Variants in FGD6 observed in about 807,000 individuals in gnomAD.
FGD6 encodes FYVE, RhoGEF and PH domain-containing protein 6.
Under a neutral mutation model 149.4 loss-of-function variants are expected in FGD6, and 90 were observed. The ratio of observed to expected loss-of-function variants is 0.60; its 90% CI spans 0.51 to 0.72. FGD6 has a LOEUF of 0.72. Among genes scored for constraint, FGD6 ranks in the 30% least tolerant of loss-of-function variants. The probability of loss-of-function intolerance (pLI) is 0.00; values close to 1 mark genes in which losing one functional copy is unlikely to be tolerated. For missense variants in FGD6, 1,437 were observed against 1,684.8 expected (o/e 0.85, Z 2.57); for synonymous variants, 527 against 584.0 (o/e 0.90, Z 1.41).
rs570769777 is a variant in FGD6, at chr12:95,126,920, T to C, written c.3082+7819A>G. On this transcript the variant is annotated intron_variant, in intron 8 of 20. Transcript: ENST00000343958. The stretch of plus-strand genomic sequence containing the variant: ...TCCAGCTGGGGTGACAGGGTGAGAC[T>C]TGGTCTCAAAAAAATAAAAAATAAA... Among the ~76,000 whole-genome samples the C allele has an allele frequency of 1.1e-4, 16 of 151,992 alleles. No homozygotes were observed. The East Asian group carries it at 2.7e-3, about 26-fold the overall frequency.
At chr12:95,176,825 ATTTAT>A (rs1030775204) in intron 2 of FGD6, among the ~76,000 whole-genome samples, 19 of 152,016 alleles carry the variant, frequency 1.2e-4, no homozygotes, top group African/African-American at 3.6e-4. Flanking sequence ...TAAAATTTTA[ATTTAT>A]TTTATTATTA....
chr12:95,123,554 A>C, intron 8 of FGD6, among the ~76,000 whole-genome samples: 1 of 148,938 alleles, frequency 6.7e-6, no homozygotes, highest in East Asian at 1.9e-4. Context: ...AAACTGCAAA[A>C]GTCAATATAC....
intron 14 of FGD6, 61 bp from the exon 15 acceptor site, chr12:95,094,755 C>G: frequency 1.6e-6 from 2 of 1,263,854 alleles, no homozygotes; most frequent in African/African-American, 2.9e-5. Flanking sequence ...CCTTTTTCTT[C>G]TTTTCTTTCT....
chr12:95,210,001 C>T lies in FGD6; in HGVS notation c.1283G>A (p.Ser428Asn). ...FDKDSNLSSD[S>N]TTVDGSSMSL... Reference sequence around the variant, plus strand: ...CATACTAGAACCATCTACAGTTGTGCTGTCAGAACTCAAATTAGAGTCTTT... The same window carrying T: ...CATACTAGAACCATCTACAGTTGTGTTGTCAGAACTCAAATTAGAGTCTTT... The change falls in exon 2 of 21, where the codon AGC (serine) becomes AAC (asparagine). Residue 428 changes from serine (S) to asparagine (N), a missense_variant. Around this residue, in one of 2 missense-constraint regions of FGD6, gnomAD observed 1,055 missense variants for 1,146.0 expected, o/e 0.92. Coordinates refer to ENST00000343958, the MANE Select transcript of FGD6 (RefSeq NM_018351.4). 1 of 1,613,044 alleles carries T rather than the reference C, an allele frequency of 6.2e-7. No homozygotes were observed. Among genetic ancestry groups the T allele is most frequent in the East Asian group, 2.2e-5 (1 of 44,878 alleles).
chr12:95,189,282 C>CA (rs1565919680), intron 2 of FGD6: 1 of 152,070 alleles, frequency 6.6e-6, no homozygotes, highest in African/African-American at 2.4e-5. Context: ...AAAGAGCACA[C>CA]AAAAAATGTT....
chr12:95,102,545 T>C (rs778354481), intron 14 of FGD6, among the ~76,000 whole-genome samples: 1 of 151,964 alleles, frequency 6.6e-6, no homozygotes, highest in African/African-American at 2.4e-5. Flanking sequence ...TCTCTAAATA[T>C]TGGTATCTGG....
At chr12:95,190,565 T>C (rs1881559110) in intron 2 of FGD6, among the ~76,000 whole-genome samples, 1 of 152,174 alleles carries the variant, frequency 6.6e-6, no homozygotes, top group African/African-American at 2.4e-5. Context: ...ATTAGTCCAT[T>C]CCAGGGCTCG....
At chr12:95,172,259 C>T (rs1379238732) in intron 3 of FGD6, among the ~76,000 whole-genome samples, 3 of 152,122 alleles carry the variant, frequency 2.0e-5, no homozygotes, top group Non-Finnish European at 4.4e-5. Context: ...GTCTGTAATG[C>T]CAGGCACTTG....
At chr12:95,122,690 A>G (rs1460938347) in intron 8 of FGD6, among the ~76,000 whole-genome samples, 1 of 150,404 alleles carries the variant, frequency 6.6e-6, no homozygotes, top group Non-Finnish European at 1.5e-5. Context: ...TTTGGCTCTA[A>G]TTCTTCTGCT....
intron 6 of FGD6, among the ~76,000 whole-genome samples, chr12:95,139,470 CA>C (rs1879778296): frequency 6.7e-6 from 1 of 149,844 alleles, no homozygotes; most frequent in African/African-American, 2.5e-5. Flanking sequence ...AAATAAGCCC[CA>C]ATTTTTTTTT....
At chr12:95,195,527 C>T (rs2136296250) in intron 2 of FGD6, among the ~76,000 whole-genome samples, 1 of 151,492 alleles carries the variant, frequency 6.6e-6, no homozygotes, top group South Asian at 2.1e-4. Flanking sequence ...ACTTATATGC[C>T]CTTTGATAAC....
chr12:95,212,592 TTACA>T (rs1219316629), intron 1 of FGD6, among the ~76,000 whole-genome samples: 6 of 152,234 alleles, frequency 3.9e-5, no homozygotes, highest in African/African-American at 1.4e-4. Flanking sequence ...ATTTTATCTT[TTACA>T]TTTATATTTG....
At chr12:95,217,160 G>T in intron 1 of FGD6, 65 bp downstream of exon 1, 1 of 1,604,666 alleles carries the variant, frequency 6.2e-7, no homozygotes, top group Non-Finnish European at 8.5e-7. Flanking sequence ...AAAGTTGCTC[G>T]CGAGCCCAAG....
At position 95,210,505 on chromosome 12, in the gene FGD6, C is replaced by T. The variant is rs757253212; in HGVS notation, c.779G>A (p.Ser260Asn). 17 of 1,613,412 alleles carry T rather than the reference C, an allele frequency of 1.1e-5. No individual in the cohort carries two copies. Among genetic ancestry groups the T allele is most frequent in the Admixed American group, 1.7e-5 (1 of 59,842 alleles). ...CTGAAAGCAATTATTGCTTTTTTCACTGTCATCCTGGCAAGTTTCAAAATG... is the reference window on the plus strand; with the variant it reads ...CTGAAAGCAATTATTGCTTTTTTCATTGTCATCCTGGCAAGTTTCAAAATG... ...CEHFETCQDD[S>N]EKSNNCFQSS... Residue 260 changes from serine to asparagine, a missense_variant, in exon 2 of 21, where the codon AGT becomes AAT. Ser to Asn is a conservative substitution (Grantham distance 46). This residue lies in a region of FGD6 where 1,055 missense variants were observed against 1,146.0 expected (regional missense o/e 0.92). Transcript: ENST00000343958.
chr12:95,209,352 A>G lies in FGD6; in HGVS notation c.1932T>C (p.Phe644=), dbSNP rs775993781. The stretch of plus-strand genomic sequence containing the variant: ...GGCTACTCTTGGACCAAAATTTTTG[A>G]AAGTCACTCTTCATGAAACAGATGG... ...KLSICFMKSD[F]QKFWSKSSQL... The change falls in exon 2 of 21, where the codon TTT becomes TTC. Residue 644 remains phenylalanine, a synonymous_variant. Transcript: ENST00000343958. 3.7e-6 allele frequency: 6 copies of G among 1,612,782 alleles called. No individual in the cohort carries two copies. The highest frequency in any genetic ancestry group is 5.1e-6 in the Non-Finnish European group (6 of 1,179,392).
chr12:95,202,104 T>C (rs1418214439), intron 2 of FGD6, among the ~76,000 whole-genome samples: 1 of 151,848 alleles, frequency 6.6e-6, no homozygotes, highest in Non-Finnish European at 1.5e-5. Flanking sequence ...AAAACATACA[T>C]ATGGGCTGGC....
intron 14 of FGD6, among the ~76,000 whole-genome samples, chr12:95,096,113 T>C (rs1878224251): frequency 6.6e-6 from 1 of 152,174 alleles, no homozygotes; most frequent in South Asian, 2.1e-4. Flanking sequence ...ATCTTGATGA[T>C]TATTTTTAGT....
chr12:95,107,542 G>T (rs1318549590), intron 12 of FGD6, 21 bp downstream of exon 12: 1 of 1,613,302 alleles, frequency 6.2e-7, no homozygotes, highest in South Asian at 1.1e-5. Context: ...GGCCACATCA[G>T]AACTACACAA....
chr12:95,133,620 T>C (rs1480845736), intron 8 of FGD6, among the ~76,000 whole-genome samples: 1 of 152,238 alleles, frequency 6.6e-6, no homozygotes, highest in Admixed American at 6.5e-5. Context: ...AATTTACTTA[T>C]AGAACACATT....
Sources: gnomAD v4.1 joint callset for allele counts (sites outside exome capture counted in the v4.1 genomes callset) on GRCh38, gnomAD v4.1.1 for gene constraint, gnomAD v4.1.1 regional missense constraint, MANE v1.5 for transcripts, NCBI Gene and HGNC (gene_info 2026-07-23, HGNC 2026-07-21) for gene names.